ANK2: variants seen among roughly 807,000 people sequenced by gnomAD.
The protein encoded by ANK2 is ankyrin-2.
A neutral mutation model predicts 360.5 loss-of-function variants in ANK2; 83 were observed. That is an observed-to-expected ratio of 0.23 (90% CI 0.19 to 0.28). ANK2 has a LOEUF of 0.28. Ranked by LOEUF, ANK2 falls within the 10% of genes least tolerant of loss-of-function variation. The probability of loss-of-function intolerance (pLI) is 1.00; values close to 1 mark genes in which losing one functional copy is unlikely to be tolerated. For missense variants in ANK2, 4,201 were observed against 4,795.7 expected, an observed-to-expected ratio of 0.88 and a Z score of 3.66; for synonymous variants, 1,740 against 1,759.5, an observed-to-expected ratio of 0.99 and a Z score of 0.28.
intron 23 of ANK2, among the ~76,000 whole-genome samples, chr4:113,307,464 G>A (rs1205451709): frequency 6.9e-6 from 1 of 144,266 alleles, no homozygotes; most frequent in African/African-American, 2.6e-5. Flanking sequence ...CGCCCAGGCT[G>A]GAGTGCAGTG....
intron 15 of ANK2, among the ~76,000 whole-genome samples, chr4:113,277,601 C>G (rs931221502): frequency 7.4e-4 from 113 of 152,194 alleles, no homozygotes; most frequent in African/African-American, 2.6e-3. Flanking sequence ...AGTCAGATTT[C>G]AGTCTCCAAG....
At chr4:112,916,130 C>T (rs938859141) in intron 2 of ANK2, among the ~76,000 whole-genome samples, 1 of 152,082 alleles carries the variant, frequency 6.6e-6, no homozygotes, top group Non-Finnish European at 1.5e-5. Context: ...TTAAACAGGA[C>T]CATTTACTTG....
At chr4:113,039,866 T>G (rs1004699969) in intron 2 of ANK2, among the ~76,000 whole-genome samples, 1 of 152,010 alleles carries the variant, frequency 6.6e-6, no homozygotes, top group Admixed American at 6.6e-5. Flanking sequence ...AAAATATGAT[T>G]TACATTTATA....
At chr4:112,932,949 C>T (rs950660852) in intron 2 of ANK2, among the ~76,000 whole-genome samples, 1 of 151,962 alleles carries the variant, frequency 6.6e-6, no homozygotes, top group Non-Finnish European at 1.5e-5. Flanking sequence ...GTTATAATTT[C>T]CATGGTATAG....
At position 113,354,045 on chromosome 4, in the gene ANK2, G is replaced by A. The variant is rs768956474; in HGVS notation, c.5427G>A (p.Ala1809=). 5.0e-6 allele frequency: 8 copies of A among 1,613,986 alleles called. No individual in the cohort carries two copies. In the Admixed American group the frequency reaches 8.3e-5, roughly 17 times the overall value. ...CCACCCACAGGCCACATCCAGCTGCGTCACCCTCTCTGAAGTCAGAGAGAC... is the reference window on the plus strand; with the variant it reads ...CCACCCACAGGCCACATCCAGCTGCATCACCCTCTCTGAAGTCAGAGAGAC... ...KKTTHRPHPA[A]SPSLKSERHA... is the part of the protein sequence containing the mutation. Residue 1809 remains alanine (A), a synonymous_variant, in exon 38 of 46, where the codon GCG becomes GCA. Coordinates refer to ENST00000357077, the MANE Select transcript of ANK2 (RefSeq NM_001148.6).
chr4:113,202,562 T>C (rs1194498262), intron 4 of ANK2, among the ~76,000 whole-genome samples: 1 of 152,254 alleles, frequency 6.6e-6, no homozygotes, highest in African/African-American at 2.4e-5. Context: ...TGCCTAGTAC[T>C]ATGCCTTTGG....
intron 1 of ANK2, among the ~76,000 whole-genome samples, chr4:113,109,754 A>G (rs1272084994): frequency 4.6e-5 from 7 of 152,118 alleles, no homozygotes; most frequent in South Asian, 2.1e-4. Flanking sequence ...AGTTATTTAT[A>G]TTTTATCCAG....
chr4:113,070,368 A>G (rs2077122726), intron 1 of ANK2, among the ~76,000 whole-genome samples: 1 of 152,126 alleles, frequency 6.6e-6, no homozygotes, highest in Non-Finnish European at 1.5e-5. Context: ...TCATGAAACT[A>G]TGAGTCCTAA....
At chr4:112,864,806 G>T (rs1056486873) in intron 1 of ANK2, among the ~76,000 whole-genome samples, 1 of 150,906 alleles carries the variant, frequency 6.6e-6, no homozygotes, top group East Asian at 2.0e-4. Context: ...GCCGAGGCGG[G>T]CGGATCACGA....
Position 113,296,065 on chromosome 4 carries a change from GC to G in ANK2, c.2475+2528del, listed in dbSNP as rs201813307. On this transcript the variant is annotated intron_variant, in intron 22 of 45. Transcript: ENST00000357077. ...ATATTTAAGTTTAAAAATATGTAAG[GC>G]ATTGAGGGAAGATCTAAGCTTCAGA... Among the ~76,000 whole-genome samples, 916 of 152,156 alleles carry G rather than the reference GC, an allele frequency of 6.0e-3. 9 individuals are homozygous for G. Among genetic ancestry groups the G allele is most frequent in the African/African-American group, 0.021 (860 of 41,518 alleles).
chr4:113,067,623 A>G (rs1362534837), intron 1 of ANK2, among the ~76,000 whole-genome samples: 1 of 152,170 alleles, frequency 6.6e-6, no homozygotes, highest in East Asian at 1.9e-4. Context: ...AGAGTCTTGG[A>G]ATGACATCTA....
chr4:112,854,856 G>A (rs1274098285), intron 1 of ANK2, among the ~76,000 whole-genome samples: 1 of 152,106 alleles, frequency 6.6e-6, no homozygotes. Context: ...AGCTCAGTGT[G>A]GGAGGAATGG....
At chr4:113,216,578 C>T (rs1232857586) in intron 4 of ANK2, among the ~76,000 whole-genome samples, 2 of 152,230 alleles carry the variant, frequency 1.3e-5, no homozygotes, top group East Asian at 3.8e-4. Flanking sequence ...AATATCATTT[C>T]AGAGGCCAAA....
intron 27 of ANK2, 79 bp from the exon 28 acceptor site, chr4:113,331,893 C>T (rs1048237010): frequency 3.5e-5 from 46 of 1,315,276 alleles, no homozygotes; most frequent in Non-Finnish European, 4.1e-5. Context: ...GATCAGCTGG[C>T]GACGCTGGGG....
At chr4:113,168,061 G>A (rs2154409017) in intron 1 of ANK2, among the ~76,000 whole-genome samples, 1 of 152,288 alleles carries the variant, frequency 6.6e-6, no homozygotes, top group East Asian at 1.9e-4. Context: ...TGCTTTGAAA[G>A]AGATAGAATT....
intron 4 of ANK2, among the ~76,000 whole-genome samples, chr4:113,203,487 G>A (rs2098885783): frequency 1.3e-5 from 2 of 151,682 alleles, no homozygotes; most frequent in African/African-American, 4.8e-5. Context: ...AACTTCTTGG[G>A]AGCAGATAAT....
chr4:113,153,218 T>C (rs2097158518), intron 1 of ANK2, among the ~76,000 whole-genome samples: 1 of 152,280 alleles, frequency 6.6e-6, no homozygotes, highest in East Asian at 1.9e-4. Flanking sequence ...CTCTATTAAA[T>C]AAACACATTG....
intron 2 of ANK2, among the ~76,000 whole-genome samples, chr4:113,176,632 T>C (rs911009458): frequency 2.6e-5 from 4 of 152,030 alleles, no homozygotes; most frequent in African/African-American, 9.7e-5. Context: ...TTTTATTTTA[T>C]TTTATTTTTT....
intron 22 of ANK2, among the ~76,000 whole-genome samples, chr4:113,299,488 T>C (rs1186155638): frequency 6.6e-6 from 1 of 152,154 alleles, no homozygotes; most frequent in East Asian, 1.9e-4. Context: ...GTGGATCACC[T>C]GACGTCAAGT....
Sources: allele counts gnomAD v4.1 joint callset (sites outside exome capture counted in the v4.1 genomes callset), GRCh38; gene constraint gnomAD v4.1.1; transcripts MANE v1.5; gene names NCBI Gene and HGNC (gene_info 2026-07-23, HGNC 2026-07-21).